USP28: variants seen among roughly 807,000 people sequenced by gnomAD.
The protein encoded by USP28 is ubiquitin specific peptidase 28, also known as ubiquitin carboxyl-terminal hydrolase 28.
A neutral mutation model predicts 145.0 loss-of-function variants in USP28; 113 were observed. That is an observed-to-expected ratio of 0.78 (90% confidence interval 0.67 to 0.91). USP28 has a LOEUF of 0.91. Ranked by LOEUF, USP28 falls within the 40% of genes least tolerant of loss-of-function variation. USP28 has a pLI of 0.00. For missense variants in USP28, 1,201 were observed against 1,289.6 expected, an observed-to-expected ratio of 0.93 and a Z score of 1.05; for synonymous variants, 447 against 450.9, an observed-to-expected ratio of 0.99 and a Z score of 0.11.
chr11:113,831,499 T>G (rs889912466), intron 8 of USP28, among the ~76,000 whole-genome samples: 26 of 152,330 alleles, frequency 1.7e-4, no homozygotes, highest in African/African-American at 4.6e-4. Context: ...TATCGTGCCC[T>G]AAGTTTCACT....
At chr11:113,851,150 C>A (rs141879883) in intron 3 of USP28, among the ~76,000 whole-genome samples, 1 of 152,292 alleles carries the variant, frequency 6.6e-6, no homozygotes, top group African/African-American at 2.4e-5. Flanking sequence ...TTACCCTCCA[C>A]CACAGCAGCC....
exon 11 of USP28, chr11:113,827,263 A>C: frequency 6.2e-7 from 1 of 1,611,884 alleles, no homozygotes; most frequent in Non-Finnish European, 8.5e-7. Context: ...AGGAAATTCC[A>C]GCTTATTGTG....
chr11:113,811,357 T>C (rs1005195244), intron 16 of USP28, among the ~76,000 whole-genome samples: 1 of 152,216 alleles, frequency 6.6e-6, no homozygotes, highest in Non-Finnish European at 1.5e-5. Context: ...GTATGAGTAG[T>C]AGTATTACAA....
exon 18 of USP28, chr11:113,808,330 C>T (rs1215789414): frequency 6.2e-7 from 1 of 1,613,790 alleles, no homozygotes; most frequent in Non-Finnish European, 8.5e-7. Context: ...CCGCTCTTCT[C>T]ATAGGCACGG....
intron 10 of USP28, among the ~76,000 whole-genome samples, chr11:113,828,389 C>G (rs1389708289): frequency 6.6e-6 from 1 of 152,212 alleles, no homozygotes; most frequent in Non-Finnish European, 1.5e-5. Flanking sequence ...GACGTAATTC[C>G]TCCATTAGGA....
intron 5 of USP28, 81 bp downstream of exon 5, chr11:113,840,517 A>T (rs1191446436): frequency 6.6e-7 from 1 of 1,510,808 alleles, no homozygotes; most frequent in Non-Finnish European, 8.9e-7. Flanking sequence ...TAATCCTTTG[A>T]AAGCTATGTT....
rs61751530 is a variant in USP28, at chr11:113,813,903, G to A, written c.1725C>T (p.Cys575=). The A allele has an allele frequency of 5.8e-3, 9,311 of 1,612,504 alleles. 45 individuals are homozygous for A. Among genetic ancestry groups the A allele is most frequent in the Non-Finnish European group, 6.9e-3 (8,132 of 1,179,238 alleles). Residue 575 remains cysteine (C), a synonymous_variant, in exon 15 of 25, where the codon TGC becomes TGT. Transcript: ENST00000003302. ...ATTCTACCTGACGAAGGAGAGGATC[G>A]CAGTACATCTGTTCAATAGTCTGAG... is the stretch of plus-strand genomic sequence containing the variant.
chr11:113,816,156 G>A (rs759746810), intron 13 of USP28, among the ~76,000 whole-genome samples: 1 of 152,094 alleles, frequency 6.6e-6, no homozygotes, highest in Non-Finnish European at 1.5e-5. Context: ...GCTTCTAATT[G>A]TAGTTAGGTT....
chr11:113,860,527 T>G (rs1947548945), intron 1 of USP28, among the ~76,000 whole-genome samples: 1 of 151,256 alleles, frequency 6.6e-6, no homozygotes, highest in Admixed American at 6.6e-5. Flanking sequence ...TGCCAAAAAC[T>G]CTGGCCAGGT....
intron 2 of USP28, among the ~76,000 whole-genome samples, chr11:113,853,456 A>C (rs1373828000): frequency 1.3e-5 from 2 of 152,150 alleles, no homozygotes; most frequent in Non-Finnish European, 2.9e-5. Flanking sequence ...CATCTTCAAC[A>C]ATTACCTAGT....
Position 113,840,758 on chromosome 11 carries a change from C to CTA in USP28, c.375-3_375-2dup. 6.2e-7 allele frequency: 1 copy of CTA among 1,613,410 alleles called. No homozygotes were observed. On this transcript the variant is annotated splice_acceptor_variant, in intron 4 of 24. Coordinates refer to ENST00000003302, the Ensembl canonical transcript of USP28. LOFTEE classifies it high-confidence loss of function. ...TTCTGCAGAGGTTGCTTCATGCATC[C>CTA]TATATTGTGCAGCGTGCCACACAGC...
chr11:113,809,021 G>A (rs756865095), intron 17 of USP28, 42 bp downstream of exon 17: 3 of 1,591,164 alleles, frequency 1.9e-6, no homozygotes, highest in Non-Finnish European at 2.6e-6. Flanking sequence ...AGTACAGCAT[G>A]AGATGTTACT....
Position 113,817,599 on chromosome 11 carries a change from T to C in USP28, c.1463+59A>G. On this transcript the variant is annotated intron_variant, in intron 13 of 24. Coordinates refer to ENST00000003302, the Ensembl canonical transcript of USP28. ...GTCAATCAAGTACAAAGATGGTGCA[T>C]AGTTTAAATTATACCAGAAAAACAA... 3 of 1,556,334 alleles carry C rather than the reference T, an allele frequency of 1.9e-6. 1 individual carries two copies. The South Asian group carries it at 3.5e-5, about 18-fold the overall frequency.
chr11:113,828,389 C>A (rs1389708289), intron 10 of USP28, among the ~76,000 whole-genome samples: 1 of 152,212 alleles, frequency 6.6e-6, no homozygotes, highest in South Asian at 2.1e-4. Context: ...GACGTAATTC[C>A]TCCATTAGGA....
rs534042256 is a variant in USP28, at chr11:113,860,218, T to C, written c.58-5883A>G. Among the ~76,000 whole-genome samples the C allele has an allele frequency of 9.2e-5, 14 of 152,288 alleles. No individual in the cohort carries two copies. In the South Asian group the frequency reaches 2.9e-3, roughly 32 times the overall value. The stretch of plus-strand genomic sequence containing the variant: ...TGTGATGAGAAGCTTTATAGGTTAT[T>C]CCATTCCTTCAAACAGTGATGCTAT... On this transcript the variant is annotated intron_variant, in intron 1 of 24. Transcript: ENST00000003302.
At chr11:113,843,177 A>G (rs1945405641) in intron 3 of USP28, among the ~76,000 whole-genome samples, 1 of 152,076 alleles carries the variant, frequency 6.6e-6, no homozygotes, top group Non-Finnish European at 1.5e-5. Flanking sequence ...GGTTGCAATG[A>G]GCTGAGATTG....
rs188871388 is a variant in USP28 at position 113,853,118 on chromosome 11, C to T, written c.136-485G>A. Among the ~76,000 whole-genome samples the T allele has an allele frequency of 2.6e-5, 4 of 152,070 alleles. No homozygotes were observed. The East Asian group carries it at 7.8e-4, about 30-fold the overall frequency. ...AGGAATTGGAGACCAGCTTGAGCAA[C>T]TTGGCAAAACCCCATCCCTACCAAA... On this transcript the variant is annotated intron_variant, in intron 2 of 24. Transcript: ENST00000003302.
At position 113,854,247 on chromosome 11, in the gene USP28, T is replaced by G; in HGVS notation, c.135+11A>C. 6.2e-7 allele frequency: 1 copy of G among 1,610,306 alleles called. No homozygotes were observed. The highest frequency in any genetic ancestry group is 8.5e-7 in the Non-Finnish European group (1 of 1,179,216). ...TAAAGCCTCCTGACTAACAGAGATC[T>G]GGAAACCAACCTTCAGAGCTTCATG... On this transcript the variant is annotated intron_variant, in intron 2 of 24. Coordinates refer to ENST00000003302, the Ensembl canonical transcript of USP28.
At chr11:113,847,755 G>T in intron 3 of USP28, among the ~76,000 whole-genome samples, 1 of 152,068 alleles carries the variant, frequency 6.6e-6, no homozygotes, top group East Asian at 1.9e-4. Context: ...CTATTTCTAG[G>T]TATATACACA....
Sources: allele counts gnomAD v4.1 joint callset (sites outside exome capture counted in the v4.1 genomes callset), GRCh38; gene constraint gnomAD v4.1.1; transcripts MANE v1.5; gene names NCBI Gene and HGNC (gene_info 2026-07-23, HGNC 2026-07-21).